PSAT1: variants seen among roughly 807,000 people sequenced by gnomAD.
PSAT1 encodes the protein phosphoserine aminotransferase.
Under a neutral mutation model 40.3 loss-of-function variants are expected in PSAT1, and 41 were observed. The ratio of observed to expected loss-of-function variants is 1.02; its 90% CI spans 0.79 to 1.32. PSAT1 has a LOEUF of 1.32. Among genes scored for constraint, PSAT1 ranks in the 40% most tolerant of loss-of-function variants. The probability of loss-of-function intolerance (pLI) is 0.00; values close to 1 mark genes in which losing one functional copy is unlikely to be tolerated. For missense variants in PSAT1, 406 were observed against 455.8 expected (o/e 0.89, Z 0.99); for synonymous variants, 147 against 170.5 (o/e 0.86, Z 1.07).
At chr9:78,300,688 A>G in intron 2 of PSAT1, 26 bp downstream of exon 2, 1 of 1,513,404 alleles carries the variant, frequency 6.6e-7, no homozygotes, top group Non-Finnish European at 9.0e-7. Flanking sequence ...GAATTCTGTG[A>G]ATGTCCATGT....
At chr9:78,319,078 G>A (rs1174864972) in intron 7 of PSAT1, among the ~76,000 whole-genome samples, 1 of 152,124 alleles carries the variant, frequency 6.6e-6, no homozygotes, top group African/African-American at 2.4e-5. Flanking sequence ...TGCTCTTTGG[G>A]GTTCAGTCTA....
At chr9:78,320,475 C>T (rs534436884) in intron 7 of PSAT1, among the ~76,000 whole-genome samples, 1 of 150,976 alleles carries the variant, frequency 6.6e-6, no homozygotes, top group Non-Finnish European at 1.5e-5. Context: ...ATTCATTCAC[C>T]CTTCCACCTA....
At chr9:78,308,291 T>C in intron 5 of PSAT1, 123 bp from the exon 6 acceptor site, 2 of 1,115,382 alleles carry the variant, frequency 1.8e-6, no homozygotes, top group Middle Eastern at 2.8e-4. Context: ...CATGAACTGC[T>C]CCCTACACAG....
chr9:78,308,686 T>C, intron 6 of PSAT1, 103 bp downstream of exon 6: 1 of 1,380,376 alleles, frequency 7.2e-7, no homozygotes, highest in East Asian at 2.4e-5. Context: ...CTGGGCGCGG[T>C]GGCTCACACC....
chr9:78,317,458 C>T (rs1383200762), intron 6 of PSAT1, among the ~76,000 whole-genome samples: 2 of 152,190 alleles, frequency 1.3e-5, no homozygotes, highest in African/African-American at 4.8e-5. Context: ...GCTATGTTGC[C>T]TAGGCTGCTT....
At chr9:78,316,516 C>T (rs1451991627) in intron 6 of PSAT1, among the ~76,000 whole-genome samples, 1 of 152,216 alleles carries the variant, frequency 6.6e-6, no homozygotes, top group Non-Finnish European at 1.5e-5. Flanking sequence ...CTCTTTCTCC[C>T]CACACCCAAT....
rs1462773959 is a variant in PSAT1, at chr9:78,317,766, A to G, written c.831A>G (p.Thr277=). ...MEKLSSIKSQ[T]IYEIIDNSQG... is the part of the protein sequence containing the mutation. ...AGCTTAGCTCCATCAAATCTCAAAC[A>G]ATTTATGAGATTATTGATAATTCTC... The change falls in exon 7 of 9, where the codon ACA becomes ACG. Residue 277 remains threonine, a synonymous_variant. Transcript: ENST00000376588. 1.2e-6 allele frequency: 2 copies of G among 1,613,418 alleles called. No individual in the cohort carries two copies. Among genetic ancestry groups the G allele is most frequent in the African/African-American group, 2.7e-5 (2 of 75,010 alleles).
chr9:78,297,824 C>G (rs1005818554), intron 1 of PSAT1, among the ~76,000 whole-genome samples: 1 of 152,156 alleles, frequency 6.6e-6, no homozygotes, highest in Non-Finnish European at 1.5e-5. Context: ...GCGTGCCCCC[C>G]TACGCCTTAC....
intron 7 of PSAT1, among the ~76,000 whole-genome samples, chr9:78,323,503 C>T (rs1828457516): frequency 6.6e-6 from 1 of 152,016 alleles, no homozygotes; most frequent in Non-Finnish European, 1.5e-5. Flanking sequence ...TCGCTTGATC[C>T]CAGGAGGTCA....
At chr9:78,311,021 G>C (rs181711632) in intron 6 of PSAT1, among the ~76,000 whole-genome samples, 1 of 152,120 alleles carries the variant, frequency 6.6e-6, no homozygotes, top group East Asian at 1.9e-4. Flanking sequence ...AGTGTTCTGG[G>C]ATGCACTCTC....
intron 6 of PSAT1, among the ~76,000 whole-genome samples, chr9:78,309,658 C>G (rs1434103467): frequency 6.6e-6 from 1 of 152,236 alleles, no homozygotes; most frequent in Non-Finnish European, 1.5e-5. Context: ...CCACCACAAC[C>G]GGCCAACATC....
intron 6 of PSAT1, among the ~76,000 whole-genome samples, chr9:78,316,072 A>C (rs1212047597): frequency 6.6e-6 from 1 of 152,160 alleles, no homozygotes; most frequent in Non-Finnish European, 1.5e-5. Context: ...TACTGAGTAC[A>C]CGTGGAGCCT....
At chr9:78,299,496 C>T (rs1344993415) in intron 1 of PSAT1, among the ~76,000 whole-genome samples, 2 of 142,598 alleles carry the variant, frequency 1.4e-5, no homozygotes, top group South Asian at 2.2e-4. Flanking sequence ...TCAAGGCAGT[C>T]TTTTTTTTAA....
chr9:78,302,151 A>T, intron 3 of PSAT1, 128 bp downstream of exon 3: 2 of 747,436 alleles, frequency 2.7e-6, no homozygotes, highest in East Asian at 2.7e-5. Flanking sequence ...TCCTTGTAAG[A>T]TTCTCTCCAA....
chr9:78,308,685 G>C (rs927166566), intron 6 of PSAT1, 102 bp downstream of exon 6: 1 of 1,388,378 alleles, frequency 7.2e-7, no homozygotes, highest in African/African-American at 1.4e-5. Flanking sequence ...CCTGGGCGCG[G>C]TGGCTCACAC....
intron 4 of PSAT1, 134 bp downstream of exon 4, chr9:78,305,074 ACTAG>A: frequency 1.3e-6 from 1 of 772,308 alleles, no homozygotes; most frequent in Non-Finnish European, 2.2e-6. Flanking sequence ...GGGTGGCTGT[ACTAG>A]CTAAGACTAG....
At chr9:78,316,009 C>G (rs1828338042) in intron 6 of PSAT1, among the ~76,000 whole-genome samples, 1 of 152,220 alleles carries the variant, frequency 6.6e-6, no homozygotes, top group Admixed American at 6.5e-5. Flanking sequence ...ACTCCCAGCT[C>G]AAGGGAGATG....
intron 2 of PSAT1, among the ~76,000 whole-genome samples, chr9:78,301,097 T>A (rs1045512183): frequency 6.6e-6 from 1 of 152,160 alleles, no homozygotes; most frequent in African/African-American, 2.4e-5. Flanking sequence ...AGGGTCTTCC[T>A]ATAGGCCTTT....
intron 6 of PSAT1, among the ~76,000 whole-genome samples, chr9:78,316,958 T>C (rs906603198): frequency 6.6e-6 from 1 of 151,658 alleles, no homozygotes; most frequent in Non-Finnish European, 1.5e-5. Flanking sequence ...ACTATGCAGG[T>C]AATATGGGCA....
Sources: allele counts gnomAD v4.1 joint callset (sites outside exome capture counted in the v4.1 genomes callset), GRCh38; gene constraint gnomAD v4.1.1; transcripts MANE v1.5; gene names NCBI Gene and HGNC (gene_info 2026-07-23, HGNC 2026-07-21).